Variants in SETD7 observed in about 807,000 individuals in gnomAD.
SETD7 encodes SET domain containing 7, histone lysine methyltransferase, also known as histone-lysine N-methyltransferase SETD7.
SETD7 carries 16 observed loss-of-function variants against 41.8 expected under a neutral mutation model. The observed-to-expected ratio is 0.38, with a 90% CI of 0.26 to 0.58. The LOEUF (loss-of-function observed/expected upper bound fraction) is 0.58. SETD7 is among the 20% of genes least tolerant of loss of function. SETD7 has a pLI of 0.64. For synonymous variants in SETD7, 163 were observed against 169.7 expected, an observed-to-expected ratio of 0.96 and a Z score of 0.31; for missense variants, 346 against 459.7, an observed-to-expected ratio of 0.75 and a Z score of 2.26.
chr4:139,514,947 C>T (rs1726982987), intron 7 of SETD7, among the ~76,000 whole-genome samples: 1 of 152,190 alleles, frequency 6.6e-6, no homozygotes, highest in African/African-American at 2.4e-5. Context: ...AGGTGGATCA[C>T]ATGAGGTAAG....
chr4:139,509,993 C>G lies in SETD7; in HGVS notation c.*1670G>C, dbSNP rs552246506. 3.0e-5 allele frequency: 17 copies of G among 563,642 alleles called. No homozygotes were observed. In the African/African-American group the frequency reaches 3.5e-4, roughly 11 times the overall value. 34.9% of individuals were successfully genotyped at this position (563,642 alleles called of 1,614,324 possible). ...GCAAAGAAGGGAAGGGCAACTCTGT[C>G]AATGTGCCCAAGGGCCACCTGAAAT... is the stretch of plus-strand genomic sequence containing the variant. On this transcript the variant is annotated 3_prime_UTR_variant, in exon 8 of 8. Coordinates refer to ENST00000274031, the MANE Select transcript of SETD7 (RefSeq NM_030648.4).
intron 7 of SETD7, among the ~76,000 whole-genome samples, chr4:139,498,269 A>G (rs1404717546): frequency 2.0e-5 from 3 of 152,100 alleles, no homozygotes; most frequent in African/African-American, 4.8e-5. Flanking sequence ...GGCACCTTTC[A>G]CATGCAACCT....
chr4:139,511,796 C>G lies in SETD7; in HGVS notation c.968G>C (p.Arg323Thr). 6.2e-7 allele frequency: 1 copy of G among 1,614,114 alleles called. No individual in the cohort carries two copies. ...FGPIKCIRTL[R>T]AVEADEELTV... ...GAGCTCTTCATCGGCCTCCACTGCT[C>G]TCAGGGTGCGGATGCATTTGATGGG... Residue 323 changes from arginine to threonine, a missense_variant, in exon 8 of 8, where the codon AGA (arginine) becomes ACA (threonine). This residue lies in a region of SETD7 where 75 missense variants were observed against 65.5 expected (regional missense o/e 1.14). Coordinates refer to ENST00000274031, the MANE Select transcript of SETD7 (RefSeq NM_030648.4).
At chr4:139,513,495 T>C (rs1560676458) in intron 7 of SETD7, among the ~76,000 whole-genome samples, 1 of 151,778 alleles carries the variant, frequency 6.6e-6, no homozygotes, top group Non-Finnish European at 1.5e-5. Context: ...CTTCTATCAG[T>C]GGTGGAGGAA....
chr4:139,532,905 G>A, intron 3 of SETD7: 3 of 543,608 alleles, frequency 5.5e-6, no homozygotes, highest in Middle Eastern at 4.8e-4. Flanking sequence ...AAACCAATTT[G>A]TCTCAATTTG....
In SETD7 at chr4:139,555,392, C is replaced by T. The variant is rs1317098083; in HGVS notation, c.40+706G>A. Among the ~76,000 whole-genome samples, 1 of 151,710 alleles carries T rather than the reference C, an allele frequency of 6.6e-6. No homozygotes were observed. The highest frequency in any genetic ancestry group is 1.5e-5 in the Non-Finnish European group (1 of 67,926). ...CGCCTGCACAGCGTGGCGGCTGCAT[C>T]CCAGCCAAGCAGGAAGGGGGAGGGG... On this transcript the variant is annotated intron_variant, in intron 1 of 7. Transcript: ENST00000274031. The surrounding 1 kb of genome is among the most constrained non-coding windows in gnomAD (Gnocchi z 4.0).
intron 5 of SETD7, among the ~76,000 whole-genome samples, chr4:139,520,665 A>G (rs1727154778): frequency 6.6e-6 from 1 of 152,214 alleles, no homozygotes; most frequent in African/African-American, 2.4e-5. Flanking sequence ...TCAGTGCTTG[A>G]TATGAGGTAT....
chr4:139,551,738 A>G (rs1456659446), intron 1 of SETD7, among the ~76,000 whole-genome samples: 1 of 152,104 alleles, frequency 6.6e-6, no homozygotes, highest in East Asian at 1.9e-4. Flanking sequence ...AACAATTAAT[A>G]GGCCGGGCGC....
downstream of SETD7, among the ~76,000 whole-genome samples, chr4:139,493,811 A>C (rs890059406): frequency 6.6e-5 from 10 of 152,198 alleles, no homozygotes; most frequent in Non-Finnish European, 1.5e-4. Context: ...GAGTGCTGAA[A>C]TTACAGGTGT....
chr4:139,525,293 G>A (rs1727294974), intron 4 of SETD7, among the ~76,000 whole-genome samples: 1 of 151,914 alleles, frequency 6.6e-6, no homozygotes, highest in African/African-American at 2.4e-5. Flanking sequence ...AACTTCTGTT[G>A]CTGCTTTCAG....
chr4:139,537,999 T>G (rs1009387244), intron 2 of SETD7, among the ~76,000 whole-genome samples: 3 of 152,194 alleles, frequency 2.0e-5, no homozygotes, highest in African/African-American at 7.2e-5. Flanking sequence ...ACATGCATAT[T>G]CATGTGTATG....
rs971179055 is a variant in SETD7, at chr4:139,514,837, A to G, written c.921-2994T>C. The stretch of plus-strand genomic sequence containing the variant: ...GGCATTTTGTACTAGATTGCGTTTC[A>G]AACAGCTTATGGAAGTGTTTTGTTT... On this transcript the variant is annotated intron_variant, in intron 7 of 7. Coordinates refer to ENST00000274031, the MANE Select transcript of SETD7 (RefSeq NM_030648.4). Among the ~76,000 whole-genome samples the G allele has an allele frequency of 2.8e-4, 43 of 152,206 alleles. 1 individual carries two copies. The highest frequency in any genetic ancestry group is 9.2e-4 in the African/African-American group (38 of 41,448).
At chr4:139,537,199 T>C (rs1470941595) in intron 2 of SETD7, among the ~76,000 whole-genome samples, 1 of 152,168 alleles carries the variant, frequency 6.6e-6, no homozygotes, top group Non-Finnish European at 1.5e-5. Flanking sequence ...GTTCTCGAAC[T>C]CCTGACCTCA....
At chr4:139,528,562 C>T (rs1727394666) in intron 4 of SETD7, among the ~76,000 whole-genome samples, 1 of 152,228 alleles carries the variant, frequency 6.6e-6, no homozygotes, top group South Asian at 2.1e-4. Flanking sequence ...CCCTGTCTCA[C>T]TGATGTCTGG....
chr4:139,549,497 A>G (rs1478384615), intron 1 of SETD7, among the ~76,000 whole-genome samples: 1 of 110,630 alleles, frequency 9.0e-6, no homozygotes, highest in East Asian at 4.2e-4. Context: ...TGTCAACTCC[A>G]CTCCATGAAG....
intron 2 of SETD7, among the ~76,000 whole-genome samples, chr4:139,538,341 C>T (rs534725853): frequency 5.3e-5 from 8 of 152,106 alleles, no homozygotes; most frequent in Admixed American, 1.3e-4. Flanking sequence ...TTTTTCATTT[C>T]TTTTTTTTAA....
At chr4:139,498,941 T>C (rs1427565622) in intron 7 of SETD7, among the ~76,000 whole-genome samples, 2 of 152,184 alleles carry the variant, frequency 1.3e-5, no homozygotes, top group Admixed American at 1.3e-4. Context: ...TGAAATCCTG[T>C]CTCTTTTACA....
intron 3 of SETD7, 65 bp from the exon 4 acceptor site, chr4:139,529,285 A>G: frequency 7.3e-7 from 1 of 1,369,218 alleles, no homozygotes; most frequent in Non-Finnish European, 9.9e-7. Context: ...GAGTCCCAAG[A>G]AATTTCTCTT....
At chr4:139,542,658 G>A (rs1341117746) in intron 2 of SETD7, among the ~76,000 whole-genome samples, 1 of 151,790 alleles carries the variant, frequency 6.6e-6, no homozygotes, top group African/African-American at 2.4e-5. Flanking sequence ...AAAAGCGGGG[G>A]GGAGCACTTT....
Sources: allele counts gnomAD v4.1 joint callset (sites outside exome capture counted in the v4.1 genomes callset), GRCh38; gene constraint gnomAD v4.1.1; regional missense constraint gnomAD v4.1.1; non-coding constraint Gnocchi (gnomAD v3.1); transcripts MANE v1.5; gene names NCBI Gene and HGNC (gene_info 2026-07-23, HGNC 2026-07-21).